Variants in MBD5 observed in about 807,000 individuals in gnomAD.
The protein encoded by MBD5 is methyl-CpG-binding domain protein 5.
MBD5 carries 13 observed loss-of-function variants against 117.3 expected under a neutral mutation model. The ratio of observed to expected loss-of-function variants is 0.11; its 90% CI spans 0.07 to 0.18. MBD5 has a LOEUF of 0.18. MBD5 is among the 10% of genes least tolerant of loss of function. The probability of loss-of-function intolerance (pLI) is 1.00; values close to 1 mark genes in which losing one functional copy is unlikely to be tolerated. For missense variants in MBD5, 1,879 were observed against 2,093.8 expected (o/e 0.90, Z 2.00); for synonymous variants, 727 against 766.4 (o/e 0.95, Z 0.85).
At chr2:148,048,784 A>AGTT (rs1694613164) in intron 1 of MBD5, among the ~76,000 whole-genome samples, 1 of 152,180 alleles carries the variant, frequency 6.6e-6, no homozygotes, top group South Asian at 2.1e-4. Context: ...TGTGGTTGAA[A>AGTT]AGTCCCCCAG....
At chr2:148,212,031 G>A (rs1699436211) in intron 2 of MBD5, among the ~76,000 whole-genome samples, 1 of 152,212 alleles carries the variant, frequency 6.6e-6, no homozygotes, top group Non-Finnish European at 1.5e-5. Flanking sequence ...TTACAAGCAT[G>A]AGCCACCATG....
At chr2:148,148,660 C>G (rs1697540732) in intron 1 of MBD5, among the ~76,000 whole-genome samples, 1 of 152,090 alleles carries the variant, frequency 6.6e-6, no homozygotes, top group African/African-American at 2.4e-5. Flanking sequence ...CCTTTGCCTA[C>G]TCCTTAAATA....
At chr2:148,421,458 C>T (rs141435404) in intron 4 of MBD5, among the ~76,000 whole-genome samples, 7 of 152,260 alleles carry the variant, frequency 4.6e-5, no homozygotes, top group East Asian at 3.9e-4. Flanking sequence ...TCAGTGCCTA[C>T]GCCAACAGGG....
rs946793832 is a variant in MBD5, at chr2:148,515,406, A to C, written c.*2465A>C. The C allele has an allele frequency of 6.6e-6, 1 of 152,048 alleles. No homozygotes were observed. Among genetic ancestry groups the C allele is most frequent in the African/African-American group, 2.4e-5 (1 of 41,388 alleles). 9.4% of individuals were successfully genotyped at this position (152,048 alleles called of 1,614,324 possible). A position where few individuals can be genotyped will look rare whatever the true frequency, so the allele number is the denominator to read the frequency against. On this transcript the variant is annotated 3_prime_UTR_variant, in exon 14 of 14. Coordinates refer to ENST00000642680, the MANE Select transcript of MBD5 (RefSeq NM_001378120.1). ...GTGCTAGGTGTAGTAGTTTCAGTCC[A>C]CGTGGGTTTTTTTCATCTCTCTTAG...
rs79616477 is a variant in MBD5 at position 148,473,048 on chromosome 2, A to C, written c.2518+2587A>C. Among the ~76,000 whole-genome samples, 405 of 152,288 alleles carry C rather than the reference A, an allele frequency of 2.7e-3. 12 individuals carry two copies. The East Asian group carries it at 0.071, about 27-fold the overall frequency. ...TCTTCATCTGAAACATTTAGTGCTCAAAAGTATTGTGTTCCCTTTCAAAAT... is the reference window on the plus strand; with the variant it reads ...TCTTCATCTGAAACATTTAGTGCTCCAAAGTATTGTGTTCCCTTTCAAAAT... On this transcript the variant is annotated intron_variant, in intron 8 of 13. Transcript: ENST00000642680.
intron 8 of MBD5, among the ~76,000 whole-genome samples, chr2:148,477,387 G>C (rs1051882602): frequency 6.6e-6 from 1 of 151,944 alleles, no homozygotes; most frequent in Admixed American, 6.6e-5. Context: ...TCCCTCCCTT[G>C]AATAGAACAA....
At chr2:148,088,756 C>T (rs943626078) in intron 1 of MBD5, among the ~76,000 whole-genome samples, 1 of 152,048 alleles carries the variant, frequency 6.6e-6, no homozygotes, top group Non-Finnish European at 1.5e-5. Flanking sequence ...ATAGAACCTT[C>T]TTAAAGCATA....
chr2:148,215,446 T>C (rs969398859), intron 2 of MBD5, among the ~76,000 whole-genome samples: 2 of 152,220 alleles, frequency 1.3e-5, no homozygotes, highest in African/African-American at 4.8e-5. Flanking sequence ...TTTACTGATA[T>C]ATAATTTATC....
chr2:148,023,518 T>C (rs1375726639), intron 1 of MBD5, among the ~76,000 whole-genome samples: 2 of 152,184 alleles, frequency 1.3e-5, no homozygotes, highest in African/African-American at 2.4e-5. Context: ...TTAGTGCACT[T>C]AAGCAGAAAT....
chr2:148,389,916 G>A (rs964465641), intron 4 of MBD5, among the ~76,000 whole-genome samples: 7 of 151,850 alleles, frequency 4.6e-5, no homozygotes, highest in African/African-American at 7.3e-5. Context: ...TTACTATGCC[G>A]AGCTCTTTAG....
chr2:148,083,597 C>G (rs1021593993), intron 1 of MBD5, among the ~76,000 whole-genome samples: 4 of 151,954 alleles, frequency 2.6e-5, no homozygotes, highest in Non-Finnish European at 5.9e-5. Flanking sequence ...TGTCCTTACT[C>G]AAATAGTTTC....
At chr2:148,195,364 A>G (rs568328480) in intron 2 of MBD5, among the ~76,000 whole-genome samples, 1 of 152,308 alleles carries the variant, frequency 6.6e-6, no homozygotes, top group South Asian at 2.1e-4. Flanking sequence ...ATTCTCCTAA[A>G]TGTATATCCA....
chr2:148,039,930 G>A (rs1317338773), intron 1 of MBD5, among the ~76,000 whole-genome samples: 4 of 152,104 alleles, frequency 2.6e-5, no homozygotes, highest in Non-Finnish European at 5.9e-5. Flanking sequence ...AGGGAATGCT[G>A]TGGTTTGTAA....
intron 1 of MBD5, among the ~76,000 whole-genome samples, chr2:148,147,379 C>CTGT (rs1697494361): frequency 1.3e-5 from 2 of 151,560 alleles, no homozygotes; most frequent in South Asian, 4.2e-4. Flanking sequence ...GAAGCTGGGA[C>CTGT]TACAAGCATG....
chr2:148,474,658 A>G (rs1680902688), intron 8 of MBD5, among the ~76,000 whole-genome samples: 1 of 152,202 alleles, frequency 6.6e-6, no homozygotes, highest in Non-Finnish European at 1.5e-5. Context: ...TAACTCTTAA[A>G]GATATACATG....
chr2:148,274,933 G>T (rs890595976), intron 3 of MBD5, among the ~76,000 whole-genome samples: 1 of 152,102 alleles, frequency 6.6e-6, no homozygotes, highest in Non-Finnish European at 1.5e-5. Context: ...ATGTTAGCCA[G>T]ACTGGTCTCG....
intron 12 of MBD5, among the ~76,000 whole-genome samples, chr2:148,505,548 T>C (rs183107574): frequency 2.6e-5 from 4 of 152,142 alleles, no homozygotes; most frequent in East Asian, 3.9e-4. Context: ...CCCCATCAGA[T>C]TGGGCAATTT....
At chr2:148,412,272 TTGTGTGTG>T (rs59209677) in intron 4 of MBD5, among the ~76,000 whole-genome samples, 3 of 144,584 alleles carry the variant, frequency 2.1e-5, no homozygotes, top group East Asian at 4.0e-4. Context: ...AGTATACTTT[TTGTGTGTG>T]TGTGTGTGTG....
chr2:148,249,314 C>G (rs181766616), intron 3 of MBD5, among the ~76,000 whole-genome samples: 9 of 152,212 alleles, frequency 5.9e-5, no homozygotes, highest in African/African-American at 1.9e-4. Context: ...TTCCAATAAC[C>G]CTTTGTTTCT....
Sources: gnomAD v4.1 joint callset for allele counts (sites outside exome capture counted in the v4.1 genomes callset) on GRCh38, gnomAD v4.1.1 for gene constraint, MANE v1.5 for transcripts, NCBI Gene and HGNC (gene_info 2026-07-23, HGNC 2026-07-21) for gene names.